Variants in OTOG observed in about 807,000 individuals in gnomAD.
OTOG encodes otogelin.
OTOG carries 296 observed loss-of-function variants against 313.8 expected under a neutral mutation model. The ratio of observed to expected loss-of-function variants is 0.94; its 90% CI spans 0.86 to 1.04. OTOG has a LOEUF of 1.04. Ranked by LOEUF, OTOG falls within the 50% of genes least tolerant of loss-of-function variation. The pLI, the probability that OTOG is intolerant of heterozygous loss-of-function variation, is 0.00. For synonymous variants in OTOG, 1,533 were observed against 1,554.9 expected, an observed-to-expected ratio of 0.99 and a Z score of 0.33; for missense variants, 3,948 against 3,840.1, an observed-to-expected ratio of 1.03 and a Z score of -0.74.
chr11:17,562,957 C>G (rs1460638820), intron 15 of OTOG, among the ~76,000 whole-genome samples: 1 of 152,180 alleles, frequency 6.6e-6, no homozygotes, highest in Non-Finnish European at 1.5e-5. Flanking sequence ...ACTGTTGTAA[C>G]TGGGCTACAG....
At chr11:17,553,658 T>C in intron 6 of OTOG, 139 bp downstream of exon 6, 1 of 798,230 alleles carries the variant, frequency 1.3e-6, no homozygotes, top group Middle Eastern at 4.0e-4. Context: ...ACCCAGGCAG[T>C]CTGCACCTGG....
rs1034252244 is a variant in OTOG, at chr11:17,613,800, A to G, written c.6528+99A>G. ...GGGCTGTGAGGCTGAATCATGATTC[A>G]GGGCAGGGGTGGGGAGGGGACCTTT... On this transcript the variant is annotated intron_variant, in intron 39 of 55. Coordinates refer to ENST00000399397, the MANE Select transcript of OTOG (RefSeq NM_001292063.2). 1.4e-5 allele frequency: 9 copies of G among 638,004 alleles called. No individual in the cohort carries two copies. In the East Asian group the frequency reaches 3.8e-4, roughly 27 times the overall value. 39.5% of individuals were successfully genotyped at this position (638,004 alleles called of 1,614,324 possible).
Position 17,613,680 on chromosome 11 carries a change from T to C in OTOG, c.6507T>C (p.Thr2169=). The change falls in exon 39 of 56, where the codon ACT becomes ACC. Residue 2169 remains threonine, a synonymous_variant. Coordinates refer to ENST00000399397, the MANE Select transcript of OTOG (RefSeq NM_001292063.2). ...LNMTHLAHQV[T]IDRFNRKVTV... is the part of the protein sequence containing the mutation. ...TGACTCACTTGGCCCATCAGGTCAC[T>C]ATTGATCGCTTCAACCGAAAGGTGA... 1 of 1,550,702 alleles carries C rather than the reference T, an allele frequency of 6.4e-7. No individual in the cohort carries two copies.
chr11:17,559,907 AGG>A (rs1491013424), intron 12 of OTOG, among the ~76,000 whole-genome samples: 3 of 89,420 alleles, frequency 3.4e-5, no homozygotes, highest in African/African-American at 2.8e-4. Flanking sequence ...GGAGGGAGGA[AGG>A]AAGGAAAGAA....
Position 17,638,751 on chromosome 11 carries a change from T to A in OTOG, c.7894+202T>A, listed in dbSNP as rs891709043. ...TTCCTACAGCCTTTTCTCTCTAGGATAAAAGAAGGAAAAAGCAAGTTTCCC... is the reference window on the plus strand; with the variant it reads ...TTCCTACAGCCTTTTCTCTCTAGGAAAAAAGAAGGAAAAAGCAAGTTTCCC... On this transcript the variant is annotated intron_variant, in intron 48 of 55. Transcript: ENST00000399397. The A allele has an allele frequency of 1.2e-5, 18 of 1,542,434 alleles. No individual in the cohort carries two copies. The African/African-American group carries it at 2.1e-4, about 18-fold the overall frequency.
chr11:17,639,040 G>A, intron 48 of OTOG: 1 of 317,942 alleles, frequency 3.1e-6, no homozygotes, highest in Non-Finnish European at 6.0e-6. Flanking sequence ...GCGACAGAGT[G>A]AGACTCCATC....
intron 30 of OTOG, among the ~76,000 whole-genome samples, 158 bp from the exon 31 acceptor site, chr11:17,599,513 C>G (rs1183522537): frequency 6.6e-6 from 1 of 152,184 alleles, no homozygotes; most frequent in African/African-American, 2.4e-5. Flanking sequence ...CTTAAGACAT[C>G]TGCATCCATG....
In OTOG at chr11:17,643,496, C is replaced by T. The variant is rs1848014431; in HGVS notation, c.8451C>T (p.Cys2817=). 2 of 1,451,958 alleles carry T rather than the reference C, an allele frequency of 1.4e-6. No homozygotes were observed. Among genetic ancestry groups the T allele is most frequent in the South Asian group, 1.4e-5 (1 of 69,014 alleles). The allele number at this position is 1,451,958 out of a possible 1,614,324, so 89.9% of individuals were successfully genotyped here. A position where few individuals can be genotyped will look rare whatever the true frequency, so the allele number is the denominator to read the frequency against. Residue 2817 remains cysteine (C), a synonymous_variant, in exon 54 of 56, where the codon TGC becomes TGT. Transcript: ENST00000399397. ...CCGTGGTACCTTCCTTGGAAGGATGCTGCAGGACCTGTGAGTGAGCATGGT... is the reference window on the plus strand; with the variant it reads ...CCGTGGTACCTTCCTTGGAAGGATGTTGCAGGACCTGTGAGTGAGCATGGT... The part of the protein sequence containing the change: ...GGSVVPSLEG[C]CRTCKEDGRS...
chr11:17,551,889 G>A, intron 3 of OTOG, 111 bp from the exon 4 acceptor site: 1 of 918,512 alleles, frequency 1.1e-6, no homozygotes, highest in Non-Finnish European at 1.7e-6. Flanking sequence ...AGGGGCAGGG[G>A]CTCCTCCCTC....
chr11:17,564,703 T>G (rs1852262501), intron 15 of OTOG, among the ~76,000 whole-genome samples: 1 of 152,228 alleles, frequency 6.6e-6, no homozygotes, highest in Non-Finnish European at 1.5e-5. Flanking sequence ...GCACAGTGCC[T>G]TGAACTTTGA....
Position 17,573,028 on chromosome 11 carries a change from C to T in OTOG, c.2081-50C>T, listed in dbSNP as rs188980071. ...GGGAGAGAGGCTGATCCTGGGACAC[C>T]AGGTAGACCGACTCCCCTGACTGCC... On this transcript the variant is annotated intron_variant, in intron 18 of 55. Transcript: ENST00000399397. The T allele has an allele frequency of 1.6e-4, 227 of 1,463,836 alleles. 2 individuals are homozygous for T. In the African/African-American group the frequency reaches 2.6e-3, roughly 17 times the overall value. 90.7% of individuals were successfully genotyped at this position (1,463,836 alleles called of 1,614,324 possible).
At position 17,635,673 on chromosome 11, in the gene OTOG, G is replaced by A; in HGVS notation, c.7757G>A (p.Arg2586Lys). 6.4e-7 allele frequency: 1 copy of A among 1,550,586 alleles called. No homozygotes were observed. The highest frequency in any genetic ancestry group is 8.7e-7 in the Non-Finnish European group (1 of 1,146,972). Residue 2586 changes from arginine (R) to lysine (K), a missense_variant, in exon 47 of 56, where the codon AGG (arginine) becomes AAG (lysine). Transcript: ENST00000399397. Reference protein sequence around the residue: ...CQEGEALTVHRNTTELCCPLY... With the variant: ...CQEGEALTVHKNTTELCCPLY... ...GAAGGGGAGGCGCTCACTGTGCACA[G>A]GAATACCACGGAACTCTGCTGCCCT... is the stretch of plus-strand genomic sequence containing the variant.
In OTOG at chr11:17,593,282, C is replaced by T. The variant is rs75133799; in HGVS notation, c.3096C>T (p.Asn1032=). The T allele has an allele frequency of 0.012, 19,219 of 1,550,482 alleles. 142 individuals are homozygous for T. The highest frequency in any genetic ancestry group is 0.025 in the Middle Eastern group (150 of 5,992). ...GMICRKFISI[N]VGNSLIVFDD... is the part of the protein sequence containing the mutation. Reference sequence around the variant, plus strand: ...TCTGCAGGAAATTTATTTCCATCAACGTTGGGAACTCACTCATTGTCTTTG... The same window carrying T: ...TCTGCAGGAAATTTATTTCCATCAATGTTGGGAACTCACTCATTGTCTTTG... The change falls in exon 26 of 56, where the codon AAC becomes AAT. Residue 1032 remains asparagine, a synonymous_variant. Transcript: ENST00000399397.
chr11:17,627,667 T>C (rs558313427), intron 39 of OTOG, among the ~76,000 whole-genome samples: 1 of 150,280 alleles, frequency 6.7e-6, no homozygotes, highest in Non-Finnish European at 1.5e-5. Context: ...TATTAACTCT[T>C]CTTCAAATGT....
chr11:17,592,586 A>C (rs1235926145), intron 25 of OTOG, among the ~76,000 whole-genome samples: 1 of 152,206 alleles, frequency 6.6e-6, no homozygotes, highest in Non-Finnish European at 1.5e-5. Context: ...TATGTGAATA[A>C]GATTCTACAA....
chr11:17,645,509 T>A, intron 54 of OTOG, 55 bp from the exon 55 acceptor site: 1 of 1,521,460 alleles, frequency 6.6e-7, no homozygotes, highest in Non-Finnish European at 8.9e-7. Flanking sequence ...CCCATCCTGC[T>A]GCCCCGAAGA....
chr11:17,549,739 T>C (rs1026293709), intron 3 of OTOG, among the ~76,000 whole-genome samples: 1 of 152,172 alleles, frequency 6.6e-6, no homozygotes, highest in Non-Finnish European at 1.5e-5. Flanking sequence ...ATCCCGCCTT[T>C]TCCTTGGGGA....
Position 17,595,243 on chromosome 11 carries a change from G to A in OTOG, c.3409-795G>A, listed in dbSNP as rs80247406. On this transcript the variant is annotated intron_variant, in intron 28 of 55. Coordinates refer to ENST00000399397, the MANE Select transcript of OTOG (RefSeq NM_001292063.2). ...CCTAACACACCCCCATTTTAGAGAA[G>A]CTCAGTGGGTGACTAACCCTTGTTC... Among the ~76,000 whole-genome samples, 610 of 152,230 alleles carry A rather than the reference G, an allele frequency of 4.0e-3. 21 individuals carry two copies. In the East Asian group the frequency reaches 0.043, roughly 11 times the overall value.
chr11:17,578,345 C>G (rs1377440397), intron 22 of OTOG, 28 bp from the exon 23 acceptor site: 1 of 1,467,128 alleles, frequency 6.8e-7, no homozygotes, highest in African/African-American at 1.4e-5. Flanking sequence ...GGCCCCAGGG[C>G]CTCCGCTCCC....
Sources: allele counts gnomAD v4.1 joint callset (sites outside exome capture counted in the v4.1 genomes callset), GRCh38; gene constraint gnomAD v4.1.1; transcripts MANE v1.5; gene names NCBI Gene and HGNC (gene_info 2026-07-23, HGNC 2026-07-21).